EML1: variants seen among roughly 807,000 people sequenced by gnomAD.
EML1 encodes EMAP like 1, also known as echinoderm microtubule-associated protein-like 1.
Under a neutral mutation model 110.4 loss-of-function variants are expected in EML1, and 27 were observed. That is an observed-to-expected ratio of 0.24 (90% CI 0.18 to 0.34). The LOEUF is 0.34. Among genes scored for constraint, EML1 ranks in the 10% least tolerant of loss-of-function variants. The probability of loss-of-function intolerance (pLI) is 1.00; values close to 1 mark genes in which losing one functional copy is unlikely to be tolerated. For missense variants in EML1, 741 were observed against 1,030.9 expected, an observed-to-expected ratio of 0.72 and a Z score of 3.85; for synonymous variants, 344 against 385.8, an observed-to-expected ratio of 0.89 and a Z score of 1.27.
At chr14:99,839,207 T>A (rs1333213908) in intron 1 of EML1, 1 of 152,222 alleles carries the variant, frequency 6.6e-6, no homozygotes, top group African/African-American at 2.4e-5. Context: ...GGCCTGAAGT[T>A]GTGTTCTGTA....
At chr14:99,753,207 GC>G (rs1234324705) in intron 1 of EML1, among the ~76,000 whole-genome samples, 2 of 23,660 alleles carry the variant, frequency 8.5e-5, no homozygotes, top group South Asian at 1.3e-3. Context: ...CCCCCCCGCC[GC>G]CCCCCCACCC....
rs567109708 is a variant in EML1, at chr14:99,818,401, A to G, written c.67+24858A>G. The stretch of plus-strand genomic sequence containing the variant: ...ATTTAGAAGATATTTAATGTCCTAT[A>G]TCTGCAGATATTCGAATAGGCAGGA... On this transcript the variant is annotated intron_variant, in intron 1 of 21. Coordinates refer to ENST00000262233, the MANE Select transcript of EML1 (RefSeq NM_004434.3). 1.3e-4 allele frequency among the ~76,000 whole-genome samples: 20 copies of G among 152,338 alleles called. 1 individual carries two copies. The South Asian group carries it at 3.7e-3, about 28-fold the overall frequency.
At chr14:99,821,862 G>A (rs191366624) in intron 1 of EML1, among the ~76,000 whole-genome samples, 9 of 152,308 alleles carry the variant, frequency 5.9e-5, no homozygotes, top group African/African-American at 2.2e-4. Context: ...ATGTACTTCT[G>A]TGGCTAACCA....
At chr14:99,907,583 G>T in intron 9 of EML1, 55 bp from the exon 10 acceptor site, 1 of 1,499,904 alleles carries the variant, frequency 6.7e-7, no homozygotes, top group Non-Finnish European at 9.2e-7. Flanking sequence ...TTTTAATCAT[G>T]TTCAACCCAC....
intron 2 of EML1, among the ~76,000 whole-genome samples, chr14:99,862,795 C>A (rs760517750): frequency 9.9e-5 from 15 of 152,152 alleles, no homozygotes; most frequent in Non-Finnish European, 1.3e-4. Context: ...CCCAGCCGTA[C>A]GTGCTGCTGC....
intron 17 of EML1, among the ~76,000 whole-genome samples, chr14:99,926,725 G>A (rs898085534): frequency 6.6e-5 from 10 of 151,752 alleles, no homozygotes; most frequent in South Asian, 2.1e-4. Context: ...GACTACAGGC[G>A]TGTGCCACTG....
Position 99,850,960 on chromosome 14 carries a change from C to A in EML1, c.175C>A (p.Leu59Ile). 2 of 1,614,174 alleles carry A rather than the reference C, an allele frequency of 1.2e-6. No homozygotes were observed. The highest frequency in any genetic ancestry group is 1.7e-6 in the Non-Finnish European group (2 of 1,180,034). The change falls in exon 2 of 22, where the codon CTA becomes ATA. Residue 59 changes from leucine (L) to isoleucine (I), a missense_variant. Coordinates refer to ENST00000262233, the MANE Select transcript of EML1 (RefSeq NM_004434.3). ...CGACATCCAGCTGCTCAAATCAGCT[C>A]TAGCTGATGTGGTTCGGCGGCTGAA... The part of the protein sequence containing the change: ...EDDIQLLKSA[L>I]ADVVRRLNIT...
At chr14:99,838,111 T>G (rs1288294078) in intron 1 of EML1, among the ~76,000 whole-genome samples, 1 of 152,196 alleles carries the variant, frequency 6.6e-6, no homozygotes, top group Non-Finnish European at 1.5e-5. Context: ...ACACTGTGCT[T>G]TTCTAAATTT....
rs149902845 is a variant in EML1 at position 99,803,378 on chromosome 14, C to T, written c.67+9835C>T. Among the ~76,000 whole-genome samples, 68 of 152,294 alleles carry T rather than the reference C, an allele frequency of 4.5e-4. No homozygotes were observed. In the East Asian group the frequency reaches 0.012, roughly 26 times the overall value. On this transcript the variant is annotated intron_variant, in intron 1 of 21. Coordinates refer to ENST00000262233, the MANE Select transcript of EML1 (RefSeq NM_004434.3). ...GTGCATATAACTGTATGTATACCTG[C>T]GTATCTACGTGCATTATACACACAT...
chr14:99,825,432 G>A (rs1185121253), intron 1 of EML1, among the ~76,000 whole-genome samples: 1 of 152,196 alleles, frequency 6.6e-6, no homozygotes, highest in East Asian at 1.9e-4. Flanking sequence ...ATACCCGGTA[G>A]TGGGATTGTG....
chr14:99,905,709 T>C lies in EML1; in HGVS notation c.1009-1929T>C, dbSNP rs1421361030. On this transcript the variant is annotated intron_variant, in intron 9 of 21. Coordinates refer to ENST00000262233, the MANE Select transcript of EML1 (RefSeq NM_004434.3). The surrounding 1 kb of genome is among the most constrained non-coding windows in gnomAD (Gnocchi z 4.1). ...GATGATAATAGCAGTTAACGTCCCATAGTGCCAAGCCTGTTCTTAGCTGAA... is the reference window on the plus strand; with the variant it reads ...GATGATAATAGCAGTTAACGTCCCACAGTGCCAAGCCTGTTCTTAGCTGAA... Among the ~76,000 whole-genome samples the C allele has an allele frequency of 6.6e-6, 1 of 152,154 alleles. No homozygotes were observed. Among genetic ancestry groups the C allele is most frequent in the Non-Finnish European group, 1.5e-5 (1 of 68,024 alleles).
rs1246819725 is a variant in EML1 at position 99,914,255 on chromosome 14, A to G, written c.1571A>G (p.Asn524Ser). Residue 524 changes from asparagine (N) to serine (S), a missense_variant, in exon 14 of 22, where the codon AAC becomes AGC. By Grantham distance (46) the Asn-to-Ser change is conservative (BLOSUM62 1). Coordinates refer to ENST00000262233, the MANE Select transcript of EML1 (RefSeq NM_004434.3). ...GDVILIGTTR[N>S]FVLQGTLSGD... is the part of the protein sequence containing the mutation. ...GTGATCTTGATTGGCACAACTCGAA[A>G]CTTTGTCCTGCAGGGCACTCTGTCA... The G allele has an allele frequency of 6.2e-7, 1 of 1,613,970 alleles. No homozygotes were observed. The highest frequency in any genetic ancestry group is 8.5e-7 in the Non-Finnish European group (1 of 1,179,902).
Position 99,761,722 on chromosome 14 carries a change from C to A in EML1, c.28+23862C>A, listed in dbSNP as rs141357316. The stretch of plus-strand genomic sequence containing the variant: ...GGAGGATCACTTGAGGTCAGGAGTT[C>A]AAGACCAGCCTGGCCAACATGGCGA... On this transcript the variant is annotated intron_variant, in intron 1 of 10. Transcript: ENST00000554479. Among the ~76,000 whole-genome samples, 622 of 152,078 alleles carry A rather than the reference C, an allele frequency of 4.1e-3. 5 individuals carry two copies. The highest frequency in any genetic ancestry group is 0.014 in the African/African-American group (582 of 41,474).
intron 1 of EML1, among the ~76,000 whole-genome samples, chr14:99,752,047 C>T (rs998083743): frequency 6.6e-6 from 1 of 152,130 alleles, no homozygotes; most frequent in Non-Finnish European, 1.5e-5. Flanking sequence ...TTGCTGGAGG[C>T]ATCCATCACA....
At chr14:99,809,048 A>G (rs1344542634) in intron 1 of EML1, among the ~76,000 whole-genome samples, 1 of 152,226 alleles carries the variant, frequency 6.6e-6, no homozygotes, top group Non-Finnish European at 1.5e-5. Flanking sequence ...TCTTTGAACT[A>G]TACCAAGTGG....
chr14:99,924,006 T>C (rs950573729), intron 17 of EML1, among the ~76,000 whole-genome samples: 1 of 152,200 alleles, frequency 6.6e-6, no homozygotes, highest in Non-Finnish European at 1.5e-5. Flanking sequence ...AGAGGGATTA[T>C]GTTTAATTTA....
At position 99,940,314 on chromosome 14, in the gene EML1, T is replaced by G. The variant is rs1046358392; in HGVS notation, c.*202T>G. 39 of 559,940 alleles carry G rather than the reference T, an allele frequency of 7.0e-5. No homozygotes were observed. Among genetic ancestry groups the G allele is most frequent in the Non-Finnish European group, 1.1e-4 (39 of 357,812 alleles). 34.7% of individuals were successfully genotyped at this position (559,940 alleles called of 1,614,324 possible). On this transcript the variant is annotated 3_prime_UTR_variant, in exon 22 of 22. Transcript: ENST00000262233. ...CCGTGTTCACTTTTGTTGTACAATA[T>G]ATGACACAGTGCACATTGAATACCA...
At chr14:99,920,648 C>A in intron 16 of EML1, 141 bp from the exon 17 acceptor site, 1 of 638,010 alleles carries the variant, frequency 1.6e-6, no homozygotes, top group Non-Finnish European at 2.6e-6. Flanking sequence ...TGAATGAAAG[C>A]TGGGAACAAG....
intron 17 of EML1, among the ~76,000 whole-genome samples, chr14:99,928,427 A>G (rs2060306783): frequency 6.6e-6 from 1 of 151,788 alleles, no homozygotes; most frequent in South Asian, 2.1e-4. Flanking sequence ...TACATTTCTT[A>G]CCTATAGCCC....
Sources: allele counts gnomAD v4.1 joint callset (sites outside exome capture counted in the v4.1 genomes callset), GRCh38; gene constraint gnomAD v4.1.1; non-coding constraint Gnocchi (gnomAD v3.1); transcripts MANE v1.5; gene names NCBI Gene and HGNC (gene_info 2026-07-23, HGNC 2026-07-21).